The following NFKBIZ variants were observed in gnomAD, a reference collection of about 807,000 sequenced individuals.
NFKBIZ encodes the protein NFKB inhibitor zeta.
A neutral mutation model predicts 76.8 loss-of-function variants in NFKBIZ; 19 were observed. The observed-to-expected ratio is 0.25, with a 90% CI of 0.17 to 0.36. The LOEUF (loss-of-function observed/expected upper bound fraction) is 0.36. Among genes scored for constraint, NFKBIZ ranks in the 10% least tolerant of loss-of-function variants. The pLI is 1.00. For missense variants in NFKBIZ, 829 were observed against 910.9 expected, an observed-to-expected ratio of 0.91 and a Z score of 1.16; for synonymous variants, 368 against 354.8, an observed-to-expected ratio of 1.04 and a Z score of -0.42.
intron 7 of NFKBIZ, 82 bp from the exon 8 acceptor site, chr3:101,855,313 T>G: frequency 6.2e-7 from 1 of 1,605,052 alleles, no homozygotes; most frequent in African/African-American, 1.3e-5. Context: ...TATTTTGAGT[T>G]AACTTATTCA....
At chr3:101,828,152 G>C (rs905570901) in exon 1 of NFKBIZ, 1 of 152,046 alleles carries the variant, frequency 6.6e-6, no homozygotes, top group African/African-American at 2.4e-5. Context: ...TTGCTCTTAC[G>C]TATTTGTGTG....
At chr3:101,856,560 T>C (rs1943053132) in intron 9 of NFKBIZ, 1 of 152,694 alleles carries the variant, frequency 6.5e-6, no homozygotes, top group Admixed American at 6.5e-5. Flanking sequence ...TGTTGTAGGA[T>C]GTGGAATTCA....
chr3:101,854,500 G>GTTTTTTT, intron 5 of NFKBIZ, 78 bp from the exon 6 acceptor site: 1 of 824,694 alleles, frequency 1.2e-6, no homozygotes, highest in Admixed American at 2.5e-5. Flanking sequence ...GCTAAAGGAA[G>GTTTTTTT]ATTTTTTTTT....
chr3:101,860,187 T>C lies in NFKBIZ; in HGVS notation c.*816T>C, dbSNP rs1419673846. The C allele has an allele frequency of 6.6e-6, 1 of 152,002 alleles. No individual in the cohort carries two copies. The highest frequency in any genetic ancestry group is 2.4e-5 in the African/African-American group (1 of 41,384). The allele number at this position is 152,002 out of a possible 1,614,324, so 9.4% of individuals were successfully genotyped here. On this transcript the variant is annotated 3_prime_UTR_variant, in exon 12 of 12. Coordinates refer to ENST00000326172, the MANE Select transcript of NFKBIZ (RefSeq NM_031419.4). ...TTTGTAGGGAATTGCATGCTTTTTT[T>C]TTTTTTTCTCCCGAGACAGGGTCTT...
intron 1 of NFKBIZ, 84 bp from the exon 2 acceptor site, chr3:101,852,001 G>C: frequency 6.6e-7 from 1 of 1,512,166 alleles, no homozygotes; most frequent in Non-Finnish European, 8.9e-7. Context: ...TATACATTAG[G>C]CAACAGCTAT....
chr3:101,854,655 T>C lies in NFKBIZ; in HGVS notation c.1415T>C (p.Met472Thr). 1.2e-6 allele frequency: 2 copies of C among 1,613,978 alleles called. No homozygotes were observed. The highest frequency in any genetic ancestry group is 1.7e-6 in the Non-Finnish European group (2 of 1,179,870). The change falls in exon 6 of 12, where the codon ATG (methionine) becomes ACG (threonine). Residue 472 changes from methionine to threonine, a missense_variant. By Grantham distance (81) the Met-to-Thr change is moderately conservative. Coordinates refer to ENST00000326172, the MANE Select transcript of NFKBIZ (RefSeq NM_031419.4). ...GCAAGAAAGATGAATGCACTTCACATGCTGGATATTAAAGAGCACAATGGA... is the reference window on the plus strand; with the variant it reads ...GCAAGAAAGATGAATGCACTTCACACGCTGGATATTAAAGAGCACAATGGA... ...VLARKMNALH[M>T]LDIKEHNGQS... is the part of the protein sequence containing the mutation.
intron 2 of NFKBIZ, among the ~76,000 whole-genome samples, chr3:101,831,679 G>A (rs916282245): frequency 1.9e-4 from 28 of 146,998 alleles, no homozygotes; most frequent in South Asian, 1.3e-3. Context: ...TCCCTCTGTC[G>A]CCCATGGTTG....
Position 101,860,753 on chromosome 3 carries a change from A to C in NFKBIZ, c.*1382A>C, listed in dbSNP as rs1431641355. The C allele has an allele frequency of 6.6e-6, 1 of 151,438 alleles. No homozygotes were observed. Among genetic ancestry groups the C allele is most frequent in the Non-Finnish European group, 1.5e-5 (1 of 67,904 alleles). 9.4% of individuals were successfully genotyped at this position (151,438 alleles called of 1,614,324 possible). A position where few individuals can be genotyped will look rare whatever the true frequency, so the allele number is the denominator to read the frequency against. ...GGAATGTATTTGGCTTTGATTACACACTAAGTTTTTGTAATAAATTTGACT... is the reference window on the plus strand; with the variant it reads ...GGAATGTATTTGGCTTTGATTACACCCTAAGTTTTTGTAATAAATTTGACT... On this transcript the variant is annotated 3_prime_UTR_variant, in exon 12 of 12. Transcript: ENST00000326172.
At position 101,858,835 on chromosome 3, in the gene NFKBIZ, T is replaced by C. The variant is rs377461702; in HGVS notation, c.2104-483T>C. Among the ~76,000 whole-genome samples, 7 of 152,212 alleles carry C rather than the reference T, an allele frequency of 4.6e-5. No homozygotes were observed. In the East Asian group the frequency reaches 1.4e-3, roughly 29 times the overall value. On this transcript the variant is annotated intron_variant, in intron 11 of 11. Coordinates refer to ENST00000326172, the MANE Select transcript of NFKBIZ (RefSeq NM_031419.4). ...AAGTTACGTGTAGATGCTTTAATAC[T>C]TGGATATCATGACAGCTGTTTTGAC...
Position 101,855,825 on chromosome 3 carries a change from G to A in NFKBIZ, c.1747G>A (p.Glu583Lys), listed in dbSNP as rs751346061. The A allele has an allele frequency of 7.4e-6, 12 of 1,614,078 alleles. No homozygotes were observed. The highest frequency in any genetic ancestry group is 1.0e-5 in the Non-Finnish European group (12 of 1,180,010). Residue 583 changes from glutamate (E) to lysine (K), a missense_variant, in exon 9 of 12, where the codon GAG becomes AAG. By Grantham distance (56) the Glu-to-Lys change is moderately conservative (BLOSUM62 1). Coordinates refer to ENST00000326172, the MANE Select transcript of NFKBIZ (RefSeq NM_031419.4). ...NQQPHSPEVQELLLKNKSLVD... is the reference protein window; with the variant it reads ...NQQPHSPEVQKLLLKNKSLVD... ...ACAGCCTCATTCACCTGAAGTTCAG[G>A]AGCTTTTACTGAAGAATAAGAGTCT...
At chr3:101,830,444 T>A (rs772815841) in intron 2 of NFKBIZ, among the ~76,000 whole-genome samples, 1 of 152,200 alleles carries the variant, frequency 6.6e-6, no homozygotes, top group African/African-American at 2.4e-5. Context: ...CAGGTACTGA[T>A]CATAGTTATT....
chr3:101,844,989 C>T (rs940538960), upstream of NFKBIZ, among the ~76,000 whole-genome samples: 1 of 152,050 alleles, frequency 6.6e-6, no homozygotes, highest in African/African-American at 2.4e-5. Flanking sequence ...CAATTCTGGC[C>T]GGGCACGGTG....
chr3:101,857,542 G>A (rs1943068709), intron 11 of NFKBIZ, 83 bp downstream of exon 11: 30 of 1,574,938 alleles, frequency 1.9e-5, no homozygotes, highest in Non-Finnish European at 2.4e-5. Flanking sequence ...GCAGGGCGAA[G>A]GCCAGCTGTT....
chr3:101,842,592 C>CTTTTTTTTTTTTTT (rs573749526), intron 2 of NFKBIZ, among the ~76,000 whole-genome samples: 1 of 130,354 alleles, frequency 7.7e-6, no homozygotes, highest in African/African-American at 2.8e-5. Context: ...CTTTTCTTTT[C>CTTTTTTTTTTTTTT]TTTTTTTTTT....
upstream of NFKBIZ, among the ~76,000 whole-genome samples, chr3:101,845,491 G>A (rs1576810867): frequency 6.6e-6 from 1 of 151,804 alleles, no homozygotes; most frequent in Non-Finnish European, 1.5e-5. Context: ...TGTAGAGATG[G>A]GGTCTCATTA....
chr3:101,852,717 T>G, intron 2 of NFKBIZ, 21 bp from the exon 3 acceptor site: 1 of 1,588,158 alleles, frequency 6.3e-7, no homozygotes. Flanking sequence ...TACACTAAAT[T>G]GGAAACTTTT....
chr3:101,832,858 G>C (rs918613583), intron 2 of NFKBIZ, among the ~76,000 whole-genome samples: 7 of 152,112 alleles, frequency 4.6e-5, no homozygotes, highest in African/African-American at 1.7e-4. Context: ...AATTGTTTTA[G>C]GAACTGCCAT....
chr3:101,844,151 A>G (rs1453310921), intron 2 of NFKBIZ, among the ~76,000 whole-genome samples: 1 of 152,242 alleles, frequency 6.6e-6, no homozygotes, highest in Non-Finnish European at 1.5e-5. Context: ...CAACTCAAAC[A>G]GTATTTGATT....
intron 5 of NFKBIZ, 85 bp downstream of exon 5, chr3:101,853,948 A>T: frequency 1.3e-5 from 17 of 1,298,626 alleles, no homozygotes; most frequent in East Asian, 2.3e-5. Context: ...AGGGTATAAC[A>T]AGGTATACCT....
Sources: allele counts gnomAD v4.1 joint callset (sites outside exome capture counted in the v4.1 genomes callset), GRCh38; gene constraint gnomAD v4.1.1; transcripts MANE v1.5; gene names NCBI Gene and HGNC (gene_info 2026-07-23, HGNC 2026-07-21).